SNTG1: variants seen among roughly 807,000 people sequenced by gnomAD.
SNTG1 encodes gamma-1-syntrophin.
A neutral mutation model predicts 74.7 loss-of-function variants in SNTG1; 39 were observed. That is an observed-to-expected ratio of 0.52 (90% CI 0.40 to 0.68). The LOEUF (loss-of-function observed/expected upper bound fraction) is 0.68, where lower values mean the gene tolerates loss of function less well. SNTG1 is among the 30% of genes least tolerant of loss of function. The pLI is 0.00. For missense variants in SNTG1, 685 were observed against 609.5 expected, an observed-to-expected ratio of 1.12 and a Z score of -1.30; for synonymous variants, 254 against 217.1, an observed-to-expected ratio of 1.17 and a Z score of -1.49.
At chr8:50,303,815 A>G (rs1402865966) in intron 2 of SNTG1, among the ~76,000 whole-genome samples, 1 of 152,178 alleles carries the variant, frequency 6.6e-6, no homozygotes, top group African/African-American at 2.4e-5. Context: ...TAGTCATTTC[A>G]GAGTCAAGAA....
chr8:50,725,541 A>C (rs1312756564), intron 17 of SNTG1, among the ~76,000 whole-genome samples: 1 of 152,196 alleles, frequency 6.6e-6, no homozygotes, highest in Non-Finnish European at 1.5e-5. Flanking sequence ...TACTGCTTAC[A>C]AACTCTACAG....
At chr8:50,659,325 C>A (rs1230598212) in intron 15 of SNTG1, among the ~76,000 whole-genome samples, 3 of 152,092 alleles carry the variant, frequency 2.0e-5, no homozygotes, top group Non-Finnish European at 4.4e-5. Flanking sequence ...TATATATTCA[C>A]TTTCTACTTT....
At chr8:50,196,947 A>T (rs1327982600) in intron 2 of SNTG1, among the ~76,000 whole-genome samples, 1 of 152,060 alleles carries the variant, frequency 6.6e-6, no homozygotes, top group Non-Finnish European at 1.5e-5. Flanking sequence ...ATGCCACGGC[A>T]CTCCAGCCTG....
At chr8:50,150,504 C>T (rs2082028898) in intron 1 of SNTG1, among the ~76,000 whole-genome samples, 1 of 152,120 alleles carries the variant, frequency 6.6e-6, no homozygotes, top group Non-Finnish European at 1.5e-5. Flanking sequence ...AGTTTTTGCC[C>T]TTTCAGTATG....
chr8:50,020,567 C>G (rs1389596236), intron 1 of SNTG1, among the ~76,000 whole-genome samples: 1 of 152,032 alleles, frequency 6.6e-6, no homozygotes, highest in East Asian at 1.9e-4. Flanking sequence ...TAATGATTGT[C>G]TAATTCATTT....
intron 2 of SNTG1, among the ~76,000 whole-genome samples, chr8:50,265,284 C>T (rs537594105): frequency 7.2e-5 from 11 of 152,038 alleles, no homozygotes; most frequent in African/African-American, 1.2e-4. Flanking sequence ...TTCCACAACC[C>T]GGTATCACAT....
At position 50,383,274 on chromosome 8, in the gene SNTG1, C is replaced by T. The variant is rs1415942125; in HGVS notation, c.-27-10938C>T. Among the ~76,000 whole-genome samples, 3 of 152,142 alleles carry T rather than the reference C, an allele frequency of 2.0e-5. No individual in the cohort carries two copies. In the East Asian group the frequency reaches 5.8e-4, roughly 29 times the overall value. ...AGTCCTTTGTATAATCAAAAACACA[C>T]TAATTATTTCCCTAGAAGGGGATAC... On this transcript the variant is annotated intron_variant, in intron 2 of 18. Coordinates refer to ENST00000642720, the MANE Select transcript of SNTG1 (RefSeq NM_018967.5).
chr8:50,483,272 T>A (rs948908930), intron 8 of SNTG1, among the ~76,000 whole-genome samples: 1 of 152,222 alleles, frequency 6.6e-6, no homozygotes, highest in African/African-American at 2.4e-5. Flanking sequence ...AAGGCTGAAA[T>A]TTAAAGTGAC....
At position 50,049,710 on chromosome 8, in the gene SNTG1, T is replaced by C. The variant is rs983826044; in HGVS notation, c.-102-122851T>C. ...CCACAATAGACTACATTCGGGGCCA[T>C]AAAGTACATCTTAACAAATTTAAAA... On this transcript the variant is annotated intron_variant, in intron 1 of 18. Transcript: ENST00000642720. 2.8e-4 allele frequency among the ~76,000 whole-genome samples: 42 copies of C among 152,166 alleles called. 2 individuals carry two copies. Among genetic ancestry groups the C allele is most frequent in the Admixed American group, 2.6e-4 (4 of 15,262 alleles).
At chr8:50,672,424 G>A (rs2095288543) in intron 15 of SNTG1, among the ~76,000 whole-genome samples, 1 of 151,842 alleles carries the variant, frequency 6.6e-6, no homozygotes, top group African/African-American at 2.4e-5. Flanking sequence ...TTGCATTTCT[G>A]TAATGATCAG....
In SNTG1 at chr8:50,586,627, T is replaced by C. The variant is rs571686104; in HGVS notation, c.811-4252T>C. On this transcript the variant is annotated intron_variant, in intron 12 of 18. Transcript: ENST00000642720. ...AAGATTTTAGAAGTAAATAATGACA[T>C]TCTCTCCTGTCTTCATTTCATTAAT... Among the ~76,000 whole-genome samples the C allele has an allele frequency of 1.3e-3, 187 of 142,470 alleles. 1 individual carries two copies. Among genetic ancestry groups the C allele is most frequent in the African/African-American group, 4.7e-3 (179 of 38,184 alleles). 93.5% of individuals were successfully genotyped at this position (142,470 alleles called of 152,430 possible). A position where few individuals can be genotyped will look rare whatever the true frequency, so the allele number is the denominator to read the frequency against.
intron 8 of SNTG1, among the ~76,000 whole-genome samples, chr8:50,499,583 T>C (rs756138718): frequency 1.3e-5 from 2 of 151,794 alleles, no homozygotes; most frequent in Non-Finnish European, 2.9e-5. Context: ...AAGTAGACAG[T>C]GTGGACACTC....
chr8:50,483,637 C>T (rs910346950), intron 8 of SNTG1, among the ~76,000 whole-genome samples: 8 of 152,080 alleles, frequency 5.3e-5, no homozygotes, highest in Admixed American at 3.9e-4. Flanking sequence ...ATGCAGTGGA[C>T]GGAAATGACA....
chr8:50,732,733 A>G (rs1033678386), intron 17 of SNTG1, among the ~76,000 whole-genome samples: 3 of 151,892 alleles, frequency 2.0e-5, no homozygotes, highest in African/African-American at 4.8e-5. Context: ...TTTTTTCCAC[A>G]TAACCTTACT....
intron 5 of SNTG1, among the ~76,000 whole-genome samples, chr8:50,443,300 G>T (rs952100039): frequency 6.6e-6 from 1 of 152,028 alleles, no homozygotes; most frequent in South Asian, 2.1e-4. Flanking sequence ...TTGAGGGAAA[G>T]GATGTTTTAA....
At chr8:50,681,584 T>C (rs1159667436) in intron 15 of SNTG1, among the ~76,000 whole-genome samples, 1 of 152,196 alleles carries the variant, frequency 6.6e-6, no homozygotes, top group Admixed American at 6.5e-5. Context: ...TATTTTTGGA[T>C]TGTGAGAAGA....
intron 2 of SNTG1, among the ~76,000 whole-genome samples, chr8:50,271,926 G>A (rs2087801912): frequency 2.0e-5 from 3 of 152,176 alleles, no homozygotes; most frequent in Non-Finnish European, 4.4e-5. Flanking sequence ...CCTCATGGGT[G>A]AGATTAATCC....
intron 1 of SNTG1, among the ~76,000 whole-genome samples, chr8:50,105,958 G>T (rs865968203): frequency 1.3e-5 from 2 of 152,132 alleles, no homozygotes; most frequent in Middle Eastern, 6.8e-3. Context: ...TCTAGGTATA[G>T]AATCATATCA....
intron 13 of SNTG1, among the ~76,000 whole-genome samples, chr8:50,591,830 T>C (rs1314058622): frequency 1.3e-5 from 2 of 152,194 alleles, no homozygotes; most frequent in African/African-American, 2.4e-5. Context: ...CCCTCCCTCC[T>C]ACCTTAAGTC....
Sources: gnomAD v4.1 joint callset for allele counts (sites outside exome capture counted in the v4.1 genomes callset) on GRCh38, gnomAD v4.1.1 for gene constraint, MANE v1.5 for transcripts, NCBI Gene and HGNC (gene_info 2026-07-23, HGNC 2026-07-21) for gene names.